The following ADGRD1 variants were observed in gnomAD, a reference collection of about 807,000 sequenced individuals.
The protein encoded by ADGRD1 is adhesion G protein-coupled receptor D1.
Under a neutral mutation model 113.4 loss-of-function variants are expected in ADGRD1, and 77 were observed. The ratio of observed to expected loss-of-function variants is 0.68; its 90% CI spans 0.57 to 0.82. ADGRD1 has a LOEUF of 0.82. Among genes scored for constraint, ADGRD1 ranks in the 40% least tolerant of loss-of-function variants. The pLI is 0.00. For missense variants in ADGRD1, 1,036 were observed against 1,139.1 expected (o/e 0.91, Z 1.30); for synonymous variants, 474 against 475.0 (o/e 1.00, Z 0.03).
At chr12:131,049,197 C>A (rs1241510765) in intron 13 of ADGRD1, among the ~76,000 whole-genome samples, 1 of 152,360 alleles carries the variant, frequency 6.6e-6, no homozygotes, top group East Asian at 1.9e-4. Flanking sequence ...AGCTTCCTGC[C>A]TTATCAGGCG....
intron 13 of ADGRD1, among the ~76,000 whole-genome samples, chr12:131,033,889 T>G (rs951666106): frequency 2.0e-4 from 30 of 152,044 alleles, no homozygotes; most frequent in African/African-American, 7.0e-4. Context: ...CGTCTGTGCA[T>G]TTTCACGGCA....
At chr12:131,000,689 C>T (rs1040126283) in intron 9 of ADGRD1, among the ~76,000 whole-genome samples, 6 of 144,398 alleles carry the variant, frequency 4.2e-5, no homozygotes, top group African/African-American at 7.8e-5. Context: ...TGCAGTGAGC[C>T]GAGGTTGTGC....
At chr12:130,964,413 C>T (rs1263266659) in intron 2 of ADGRD1, among the ~76,000 whole-genome samples, 3 of 152,154 alleles carry the variant, frequency 2.0e-5, no homozygotes, top group South Asian at 2.1e-4. Flanking sequence ...GGGCCAGGCG[C>T]GTTGGCTCAC....
chr12:130,992,231 T>C lies in ADGRD1; in HGVS notation c.811-6T>C. The C allele has an allele frequency of 6.2e-7, 1 of 1,605,112 alleles. No homozygotes were observed. Among genetic ancestry groups the C allele is most frequent in the Non-Finnish European group, 8.5e-7 (1 of 1,177,226 alleles). On this transcript the variant is annotated splice_region_variant and splice_polypyrimidine_tract_variant and intron_variant, in intron 7 of 24. Transcript: ENST00000261654. Reference sequence around the variant, plus strand: ...AGTAGAAACTCATGTTGCCAATTTCTTTCAGATGCCCACAGATGCCTACCA... The same window carrying C: ...AGTAGAAACTCATGTTGCCAATTTCCTTCAGATGCCCACAGATGCCTACCA...
rs76675546 is a variant in ADGRD1, at chr12:131,115,778, G to A, written c.2042-2607G>A. 1.1e-3 allele frequency among the ~76,000 whole-genome samples: 167 copies of A among 152,294 alleles called. 2 individuals are homozygous for A. The highest frequency in any genetic ancestry group is 3.6e-3 in the Admixed American group (55 of 15,298). ...AGATGACAGCAGTGGTGGGAAAGGG[G>A]TGAGGTCTGAGCTGGTTGATGATAC... On this transcript the variant is annotated intron_variant, in intron 18 of 24. Transcript: ENST00000261654.
At chr12:131,136,308 C>T in intron 22 of ADGRD1, 145 bp downstream of exon 22, 1 of 1,016,282 alleles carries the variant, frequency 9.8e-7, no homozygotes, top group Non-Finnish European at 1.4e-6. Context: ...TCCCCGAAGC[C>T]TGAGGACTCT....
At chr12:131,069,934 G>A (rs61939665) in intron 13 of ADGRD1, 29,673 of 152,142 alleles carry the variant, frequency 0.2, 4,046 homozygotes, top group East Asian at 0.64. Context: ...GCCTTGTTGC[G>A]ATAGAAATGC....
chr12:131,092,641 TG>T (rs1344028565), intron 15 of ADGRD1, among the ~76,000 whole-genome samples: 1 of 152,016 alleles, frequency 6.6e-6, no homozygotes, highest in Non-Finnish European at 1.5e-5. Context: ...GGCTCTGACC[TG>T]GGGGGTGCAG....
In ADGRD1 at chr12:131,004,392, G is replaced by GCTGCAGTGCTCCCCCGGGCCGC. The variant is rs1555243418; in HGVS notation, c.1255+100_1255+101insAGTGCTCCCCCGGGCCGCCTGC. 3.4e-5 allele frequency: 27 copies of GCTGCAGTGCTCCCCCGGGCCGC among 790,914 alleles called. 2 individuals are homozygous for GCTGCAGTGCTCCCCCGGGCCGC. Among genetic ancestry groups the GCTGCAGTGCTCCCCCGGGCCGC allele is most frequent in the African/African-American group, 2.1e-4 (12 of 58,380 alleles). The allele number at this position is 790,914 out of a possible 1,614,324, so 49.0% of individuals were successfully genotyped here. ...TGCTGGGTGCCCACCGCGCCAGGGA[G>GCTGCAGTGCTCCCCCGGGCCGC]CTGCGGTGCTCCCCCGGGCCGCCTG... is the stretch of plus-strand genomic sequence containing the variant. On this transcript the variant is annotated intron_variant, in intron 11 of 24. Coordinates refer to ENST00000261654, the MANE Select transcript of ADGRD1 (RefSeq NM_198827.5).
chr12:130,958,920 G>A (rs527999508), intron 2 of ADGRD1, among the ~76,000 whole-genome samples: 3 of 152,336 alleles, frequency 2.0e-5, no homozygotes, highest in South Asian at 2.1e-4. Context: ...GTGGAGAAGC[G>A]TGTCTTTCAG....
chr12:131,119,178 A>G (rs777057718), intron 19 of ADGRD1, among the ~76,000 whole-genome samples: 1 of 152,256 alleles, frequency 6.6e-6, no homozygotes, highest in Non-Finnish European at 1.5e-5. Context: ...TGGAAAATAA[A>G]TATTGACGGT....
At chr12:130,987,586 G>C (rs776558684) in intron 6 of ADGRD1, 7 of 569,758 alleles carry the variant, frequency 1.2e-5, no homozygotes, top group Non-Finnish European at 2.2e-5. Context: ...TCATCACGGG[G>C]TTTCAAGGTA....
At chr12:131,044,006 C>T (rs1316326812) in intron 13 of ADGRD1, among the ~76,000 whole-genome samples, 8 of 152,242 alleles carry the variant, frequency 5.3e-5, no homozygotes, top group Middle Eastern at 3.4e-3. Flanking sequence ...TTCTACCAGG[C>T]GTCAAGACAG....
At chr12:131,009,626 G>A (rs185947613) in intron 12 of ADGRD1, among the ~76,000 whole-genome samples, 105 of 152,350 alleles carry the variant, frequency 6.9e-4, no homozygotes, top group Admixed American at 1.2e-3. Flanking sequence ...GAAAGGAAAT[G>A]TGCATGTGTG....
rs368641929 is a variant in ADGRD1 at position 130,966,569 on chromosome 12, C to T, written c.187+23C>T. ...GAGGTAGAGACGCGGGTGCTGAGAG[C>T]GGCTGTGGGCGCGGGAATCCCAGGG... On this transcript the variant is annotated intron_variant, in intron 3 of 24. Transcript: ENST00000261654. The surrounding 1 kb of genome is among the most constrained non-coding windows in gnomAD (Gnocchi z 4.6). 4.7e-5 allele frequency: 69 copies of T among 1,473,180 alleles called. No homozygotes were observed. In the East Asian group the frequency reaches 1.1e-3, roughly 23 times the overall value. The allele number at this position is 1,473,180 out of a possible 1,614,324, so 91.3% of individuals were successfully genotyped here.
At chr12:131,123,039 G>GTTTTTTTTTTT (rs552353187) in intron 20 of ADGRD1, among the ~76,000 whole-genome samples, 49 of 51,326 alleles carry the variant, frequency 9.5e-4, no homozygotes, top group East Asian at 1.1e-3. Context: ...TACCTGGGGA[G>GTTTTTTTTTTT]TTTTTTTTTT....
chr12:131,125,538 A>G (rs941974023), intron 20 of ADGRD1, among the ~76,000 whole-genome samples: 1 of 152,184 alleles, frequency 6.6e-6, no homozygotes, highest in African/African-American at 2.4e-5. Context: ...AAACAGATAC[A>G]TAGAGACAGA....
At chr12:131,071,631 G>A (rs1885177153) in intron 13 of ADGRD1, among the ~76,000 whole-genome samples, 1 of 152,240 alleles carries the variant, frequency 6.6e-6, no homozygotes, top group Admixed American at 6.5e-5. Flanking sequence ...TGACCCCAGT[G>A]CTGCTGGGCC....
At chr12:131,033,066 C>T (rs761620383) in intron 13 of ADGRD1, among the ~76,000 whole-genome samples, 2 of 152,238 alleles carry the variant, frequency 1.3e-5, no homozygotes, top group Non-Finnish European at 2.9e-5. Context: ...CTAAATGGCG[C>T]GCGACGAGCC....
Sources: gnomAD v4.1 joint callset for allele counts (sites outside exome capture counted in the v4.1 genomes callset) on GRCh38, gnomAD v4.1.1 for gene constraint, Gnocchi (gnomAD v3.1) non-coding constraint, MANE v1.5 for transcripts, NCBI Gene and HGNC (gene_info 2026-07-23, HGNC 2026-07-21) for gene names.